The following MYCBP2 variants were observed in gnomAD, a reference collection of about 807,000 sequenced individuals.
MYCBP2 encodes E3 ubiquitin-protein ligase MYCBP2.
MYCBP2 carries 120 observed loss-of-function variants against 525.3 expected under a neutral mutation model. The ratio of observed to expected loss-of-function variants is 0.23; its 90% CI spans 0.20 to 0.27. The LOEUF is 0.27. MYCBP2 is among the 10% of genes least tolerant of loss of function. MYCBP2 has a pLI of 1.00. For synonymous variants in MYCBP2, 1,894 were observed against 1,955.8 expected, an observed-to-expected ratio of 0.97 and a Z score of 0.83; for missense variants, 4,149 against 5,657.1, an observed-to-expected ratio of 0.73 and a Z score of 8.55.
In MYCBP2 at chr13:77,058,313, C is replaced by T. The variant is rs1463186139; in HGVS notation, c.13234G>A (p.Gly4412Ser). ...NEEHCLPCLH[G>S]CDKSATSLKQ... ...AGGCTTGTGGCACTTTTGTCACAGC[C>T]GTGTAGACAGGGCAGACAGTGCTCT... is the stretch of plus-strand genomic sequence containing the variant. The change falls in exon 78 of 83, where the codon GGC becomes AGC. Residue 4412 changes from glycine (G) to serine (S), a missense_variant. By Grantham distance (56) the Gly-to-Ser change is moderately conservative (BLOSUM62 0). Coordinates refer to ENST00000544440, the MANE Select transcript of MYCBP2 (RefSeq NM_015057.5). This position sits in a 1 kb window ranked among gnomAD's most constrained non-coding sequence, Gnocchi z 4.1. The T allele has an allele frequency of 1.1e-5, 17 of 1,613,976 alleles. No homozygotes were observed. The highest frequency in any genetic ancestry group is 5.3e-5 in the African/African-American group (4 of 74,880).
rs1483741602 is a variant in MYCBP2, at chr13:77,164,331, T to C, written c.6547+123A>G. ...CTCAAATTACCAGTACATGAAGCAG[T>C]TATTGCTCATGAATATATGAGATTA... On this transcript the variant is annotated intron_variant, in intron 43 of 82. Transcript: ENST00000544440. The C allele has an allele frequency of 2.2e-5, 14 of 650,536 alleles. No individual in the cohort carries two copies. The Admixed American group carries it at 3.6e-4, about 17-fold the overall frequency. 40.3% of individuals were successfully genotyped at this position (650,536 alleles called of 1,614,324 possible).
intron 55 of MYCBP2, among the ~76,000 whole-genome samples, chr13:77,106,544 T>C (rs978341902): frequency 6.6e-6 from 1 of 151,944 alleles, no homozygotes; most frequent in South Asian, 2.1e-4. Flanking sequence ...ATAAAAAAAA[T>C]TTTTTTCAAA....
At chr13:77,177,710 C>A (rs376652177) in intron 35 of MYCBP2, 38 bp downstream of exon 35, 1 of 1,493,668 alleles carries the variant, frequency 6.7e-7, no homozygotes, top group South Asian at 1.1e-5. Flanking sequence ...GATACACAAC[C>A]CACTAATCAG....
chr13:77,147,489 G>A (rs754915194), intron 47 of MYCBP2, among the ~76,000 whole-genome samples: 8 of 152,066 alleles, frequency 5.3e-5, no homozygotes, highest in Non-Finnish European at 1.0e-4. Context: ...AGGTCAAGAT[G>A]TCCAACTGCT....
chr13:77,248,656 C>T (rs2070515207), intron 15 of MYCBP2, among the ~76,000 whole-genome samples: 1 of 152,134 alleles, frequency 6.6e-6, no homozygotes, highest in Non-Finnish European at 1.5e-5. Flanking sequence ...CATCTGTACA[C>T]TATTGGTGGG....
At chr13:77,162,842 A>G (rs1283719817) in intron 43 of MYCBP2, among the ~76,000 whole-genome samples, 2 of 152,090 alleles carry the variant, frequency 1.3e-5, no homozygotes, top group Non-Finnish European at 2.9e-5. Context: ...TTTTTAGTAG[A>G]GACGGGGTTT....
In MYCBP2 at chr13:77,186,027, T is replaced by C. The variant is rs1215047988; in HGVS notation, c.4288A>G (p.Ser1430Gly). The C allele has an allele frequency of 1.2e-6, 2 of 1,607,816 alleles. No individual in the cohort carries two copies. The highest frequency in any genetic ancestry group is 1.7e-6 in the Non-Finnish European group (2 of 1,178,274). The change falls in exon 31 of 83, where the codon AGC (serine) becomes GGC (glycine). Residue 1430 changes from serine to glycine, a missense_variant. Ser to Gly is a moderately conservative substitution (Grantham distance 56). This residue lies in a region of MYCBP2 where 292 missense variants were observed against 330.5 expected (regional missense o/e 0.88). Transcript: ENST00000544440. ...FESLLSILHWSWTTLVLGVEE... is the reference protein window; with the variant it reads ...FESLLSILHWGWTTLVLGVEE... ...ACTCCTAAGACTAAGGTGGTCCAGC[T>C]CCAGTGAAGAATACTCAACAATGAC... is the stretch of plus-strand genomic sequence containing the variant.
chr13:77,241,466 C>T (rs976657892), intron 17 of MYCBP2, among the ~76,000 whole-genome samples: 5 of 152,008 alleles, frequency 3.3e-5, no homozygotes, highest in African/African-American at 9.7e-5. Context: ...AAAGAAGAAA[C>T]AGGTAGCAAA....
At position 77,087,601 on chromosome 13, in the gene MYCBP2, T is replaced by A; in HGVS notation, c.10758A>T (p.Gln3586His). ...ACAGAATATCATGGAGAGAAGTGGTTTGGATGACATTACACAGAAGCCAGT... is the reference window on the plus strand; with the variant it reads ...ACAGAATATCATGGAGAGAAGTGGTATGGATGACATTACACAGAAGCCAGT... ...AFNWLLCNVI[Q>H]TTSLHDILWH... The change falls in exon 62 of 83, where the codon CAA becomes CAT. Residue 3586 changes from glutamine to histidine, a missense_variant. By Grantham distance (24) the Gln-to-His change is conservative (BLOSUM62 0). Transcript: ENST00000544440. The A allele has an allele frequency of 6.2e-7, 1 of 1,613,186 alleles. No homozygotes were observed.
chr13:77,214,547 C>G (rs1281179852), intron 21 of MYCBP2, among the ~76,000 whole-genome samples: 4 of 151,914 alleles, frequency 2.6e-5, no homozygotes, highest in African/African-American at 9.7e-5. Context: ...CATATATAGG[C>G]TATTACCTTT....
At chr13:77,079,525 A>G (rs1455192205) in intron 65 of MYCBP2, among the ~76,000 whole-genome samples, 3 of 152,198 alleles carry the variant, frequency 2.0e-5, no homozygotes, top group Non-Finnish European at 4.4e-5. Context: ...GCTGCATAAT[A>G]TGAGTGCTGT....
intron 3 of MYCBP2, among the ~76,000 whole-genome samples, chr13:77,283,097 G>A (rs1347000819): frequency 6.6e-6 from 1 of 152,064 alleles, no homozygotes; most frequent in Non-Finnish European, 1.5e-5. Flanking sequence ...TTACTTACTG[G>A]AGTACAAAGT....
At chr13:77,271,437 T>C (rs1244806459) in intron 5 of MYCBP2, among the ~76,000 whole-genome samples, 1 of 152,204 alleles carries the variant, frequency 6.6e-6, no homozygotes, top group Admixed American at 6.5e-5. Context: ...ACAAGTAGTA[T>C]GCATTTGGGT....
In MYCBP2 at chr13:77,261,309, C is replaced by T. The variant is rs370173382; in HGVS notation, c.1714G>A (p.Val572Ile). The T allele has an allele frequency of 6.2e-7, 1 of 1,613,102 alleles. No homozygotes were observed. The highest frequency in any genetic ancestry group is 8.5e-7 in the Non-Finnish European group (1 of 1,179,656). ...GGAGATTTTGTAATTGGTAGCTCAACCCATTTTCCTGCTGAAGGACCACCT... is the reference window on the plus strand; with the variant it reads ...GGAGATTTTGTAATTGGTAGCTCAATCCATTTTCCTGCTGAAGGACCACCT... ...KQGGPSAGKWVELPITKSPKI... is the reference protein window; with the variant it reads ...KQGGPSAGKWIELPITKSPKI... Residue 572 changes from valine (V) to isoleucine (I), a missense_variant, in exon 12 of 83, where the codon GTT (valine) becomes ATT (isoleucine). Coordinates refer to ENST00000544440, the MANE Select transcript of MYCBP2 (RefSeq NM_015057.5).
At chr13:77,075,396 C>A (rs2042103165) in intron 68 of MYCBP2, 1 of 152,102 alleles carries the variant, frequency 6.6e-6, no homozygotes, top group Non-Finnish European at 1.5e-5. Context: ...GACAGTATAA[C>A]CTTTCCTACT....
intron 52 of MYCBP2, among the ~76,000 whole-genome samples, chr13:77,132,986 T>C (rs1321017556): frequency 6.6e-6 from 1 of 152,218 alleles, no homozygotes; most frequent in Non-Finnish European, 1.5e-5. Context: ...CTTCAATACA[T>C]ATGGTATTCA....
chr13:77,292,687 G>A (rs1034958421), intron 2 of MYCBP2, among the ~76,000 whole-genome samples: 8 of 152,086 alleles, frequency 5.3e-5, no homozygotes, highest in South Asian at 2.1e-4. Context: ...GGCCAGGCAC[G>A]GTGGCTTGTG....
At chr13:77,117,619 A>G (rs1303542947) in intron 55 of MYCBP2, among the ~76,000 whole-genome samples, 2 of 152,174 alleles carry the variant, frequency 1.3e-5, no homozygotes, top group Non-Finnish European at 2.9e-5. Flanking sequence ...AAACTTTCAT[A>G]AACTAGCTCA....
intron 1 of MYCBP2, among the ~76,000 whole-genome samples, chr13:77,297,111 C>T (rs1459791932): frequency 4.6e-5 from 7 of 152,138 alleles, no homozygotes; most frequent in Admixed American, 4.6e-4. Flanking sequence ...ATCCCCAGCT[C>T]ATATACTTTA....
Sources: allele counts gnomAD v4.1 joint callset (sites outside exome capture counted in the v4.1 genomes callset), GRCh38; gene constraint gnomAD v4.1.1; regional missense constraint gnomAD v4.1.1; non-coding constraint Gnocchi (gnomAD v3.1); transcripts MANE v1.5; gene names NCBI Gene and HGNC (gene_info 2026-07-23, HGNC 2026-07-21).